TRAM1: variants seen among roughly 807,000 people sequenced by gnomAD.
TRAM1 encodes translocation associated membrane protein 1.
TRAM1 carries 17 observed loss-of-function variants against 48.7 expected under a neutral mutation model. That is an observed-to-expected ratio of 0.35 (90% confidence interval 0.24 to 0.52). The LOEUF (loss-of-function observed/expected upper bound fraction) is 0.52, where lower values mean the gene tolerates loss of function less well. Ranked by LOEUF, TRAM1 falls within the 20% of genes least tolerant of loss-of-function variation. The pLI, the probability that TRAM1 is intolerant of heterozygous loss-of-function variation, is 0.94. For missense variants in TRAM1, 351 were observed against 441.5 expected (o/e 0.79, Z 1.84); for synonymous variants, 182 against 154.0 (o/e 1.18, Z -1.34).
chr8:70,576,533 A>G (rs1177515898), intron 10 of TRAM1, among the ~76,000 whole-genome samples: 3 of 152,266 alleles, frequency 2.0e-5, no homozygotes, highest in African/African-American at 7.2e-5. Context: ...TTACCAAAAG[A>G]GAAACGACTA....
chr8:70,607,170 C>A, intron 1 of TRAM1: 1 of 985,252 alleles, frequency 1.0e-6, no homozygotes, highest in Non-Finnish European at 1.2e-6. Context: ...AGGGGAAAAA[C>A]GTAGGATGTT....
chr8:70,604,972 G>C (rs1254891161), intron 1 of TRAM1, among the ~76,000 whole-genome samples: 1 of 152,122 alleles, frequency 6.6e-6, no homozygotes, highest in East Asian at 1.9e-4. Flanking sequence ...TATGTGGACA[G>C]ATATTTACTG....
At chr8:70,607,808 G>A (rs867496666) in intron 1 of TRAM1, 8 of 276,890 alleles carry the variant, frequency 2.9e-5, no homozygotes, top group Middle Eastern at 2.1e-3. Context: ...GGGCGGCGGC[G>A]GGTCAGGAAG....
intron 1 of TRAM1, 131 bp downstream of exon 1, chr8:70,607,946 G>T: frequency 8.4e-7 from 1 of 1,184,394 alleles, no homozygotes; most frequent in Non-Finnish European, 1.1e-6. Context: ...GCACCTCAGG[G>T]ACTGGGGGTC....
At chr8:70,597,325 T>A (rs1303956268) in intron 4 of TRAM1, among the ~76,000 whole-genome samples, 1 of 152,128 alleles carries the variant, frequency 6.6e-6, no homozygotes, top group Non-Finnish European at 1.5e-5. Context: ...ACATTACAAC[T>A]CATGTAACCT....
At chr8:70,598,319 T>G (rs1817534922) in intron 2 of TRAM1, 64 bp from the exon 3 acceptor site, 2 of 1,458,744 alleles carry the variant, frequency 1.4e-6, no homozygotes, top group Admixed American at 4.4e-5. Context: ...CAGCATTAAG[T>G]ACAACATAGT....
In TRAM1 at chr8:70,574,004, G is replaced by GTT; in HGVS notation, c.*926_*927dup. On this transcript the variant is annotated 3_prime_UTR_variant, in exon 11 of 11. Transcript: ENST00000262213. ...CACCTGAATTTTCAATTTCTTTAAA[G>GTT]TTAGTGCATTAAATGTTTTCCAAAT... 4.8e-6 allele frequency: 1 copy of GTT among 207,718 alleles called. No homozygotes were observed. Among genetic ancestry groups the GTT allele is most frequent in the East Asian group, 1.7e-4 (1 of 5,764 alleles). 12.9% of individuals were successfully genotyped at this position (207,718 alleles called of 1,614,324 possible). A position where few individuals can be genotyped will look rare whatever the true frequency, so the allele number is the denominator to read the frequency against.
intron 1 of TRAM1, chr8:70,607,410 A>C (rs970887613): frequency 1.0e-6 from 1 of 985,380 alleles, no homozygotes; most frequent in Non-Finnish European, 1.2e-6. Context: ...ACTGGTAATA[A>C]TATCAGTTTA....
chr8:70,593,473 A>G (rs527860071), intron 6 of TRAM1, among the ~76,000 whole-genome samples: 14 of 152,060 alleles, frequency 9.2e-5, no homozygotes, highest in Admixed American at 9.2e-4. Context: ...AGATTCTGAC[A>G]TACCCGTAAC....
intron 10 of TRAM1, among the ~76,000 whole-genome samples, chr8:70,575,422 A>G (rs955978470): frequency 6.6e-6 from 1 of 151,924 alleles, no homozygotes; most frequent in Non-Finnish European, 1.5e-5. Context: ...TTATTTATTT[A>G]TGTTACTGTT....
At chr8:70,607,464 G>T (rs1255599637) in intron 1 of TRAM1, 5 of 985,382 alleles carry the variant, frequency 5.1e-6, no homozygotes, top group Non-Finnish European at 4.8e-6. Context: ...CACTGCGCCG[G>T]TGCCCGGCGG....
chr8:70,580,784 A>G (rs1206387421), intron 10 of TRAM1, among the ~76,000 whole-genome samples: 1 of 152,168 alleles, frequency 6.6e-6, no homozygotes, highest in Non-Finnish European at 1.5e-5. Flanking sequence ...AAATAAATTC[A>G]GCAAGGTTGC....
At chr8:70,576,095 A>AAAAAG (rs1816946652) in intron 10 of TRAM1, among the ~76,000 whole-genome samples, 1 of 148,892 alleles carries the variant, frequency 6.7e-6, no homozygotes, top group East Asian at 2.0e-4. Flanking sequence ...AAAAAAAAAA[A>AAAAAG]CCACACAAAA....
intron 1 of TRAM1, chr8:70,607,376 A>G: frequency 1.0e-6 from 1 of 985,484 alleles, no homozygotes; most frequent in Non-Finnish European, 1.2e-6. Context: ...GTTTCTTTAA[A>G]GCGTCAGGGC....
chr8:70,607,880 C>T, intron 1 of TRAM1, 197 bp downstream of exon 1: 1 of 577,044 alleles, frequency 1.7e-6, no homozygotes, highest in Non-Finnish European at 2.6e-6. Context: ...GACTTTGCAT[C>T]TCCGGGCCGG....
In TRAM1 at chr8:70,590,365, G is replaced by C. The variant is rs760012561; in HGVS notation, c.571-3189C>G. Among the ~76,000 whole-genome samples, 67 of 152,154 alleles carry C rather than the reference G, an allele frequency of 4.4e-4. 1 individual carries two copies. Among genetic ancestry groups the C allele is most frequent in the Non-Finnish European group, 1.6e-4 (11 of 68,034 alleles). On this transcript the variant is annotated intron_variant, in intron 6 of 10. Coordinates refer to ENST00000262213, the MANE Select transcript of TRAM1 (RefSeq NM_014294.6). ...TAATTCAAAAAGCCATTCCATTTCT[G>C]ATCTTTTGTCTTTAAATTTCAACCC...
chr8:70,597,668 C>CAAAAAA (rs35449323), intron 4 of TRAM1, among the ~76,000 whole-genome samples: 46 of 35,840 alleles, frequency 1.3e-3, no homozygotes, highest in East Asian at 2.0e-3. Flanking sequence ...GACTCTGTCT[C>CAAAAAA]AAAAAAAAAA....
At chr8:70,575,513 G>A (rs908106597) in intron 10 of TRAM1, among the ~76,000 whole-genome samples, 7 of 151,934 alleles carry the variant, frequency 4.6e-5, no homozygotes, top group African/African-American at 1.7e-4. Flanking sequence ...TGAACTCCCG[G>A]GGACCAGTGA....
Position 70,608,332 on chromosome 8 carries a change from C to T in TRAM1, c.-133G>A. Reference sequence around the variant, plus strand: ...GCAGCCGCTCGCTGGGGCTTCACTTCCCATCCCACAGCCAGTACGCAGCCG... The same window carrying T: ...GCAGCCGCTCGCTGGGGCTTCACTTTCCATCCCACAGCCAGTACGCAGCCG... On this transcript the variant is annotated 5_prime_UTR_variant, in exon 1 of 11. Coordinates refer to ENST00000262213, the MANE Select transcript of TRAM1 (RefSeq NM_014294.6). 1.6e-6 allele frequency: 2 copies of T among 1,233,568 alleles called. No individual in the cohort carries two copies. The highest frequency in any genetic ancestry group is 2.9e-5 in the East Asian group (1 of 34,972). 76.4% of individuals were successfully genotyped at this position (1,233,568 alleles called of 1,614,324 possible).
Sources: gnomAD v4.1 joint callset for allele counts (sites outside exome capture counted in the v4.1 genomes callset) on GRCh38, gnomAD v4.1.1 for gene constraint, MANE v1.5 for transcripts, NCBI Gene and HGNC (gene_info 2026-07-23, HGNC 2026-07-21) for gene names.